RSRC1: variants seen among roughly 807,000 people sequenced by gnomAD.
The protein encoded by RSRC1 is arginine and serine rich coiled-coil 1.
RSRC1 carries 39 observed loss-of-function variants against 49.1 expected under a neutral mutation model. The ratio of observed to expected loss-of-function variants is 0.79; its 90% CI spans 0.61 to 1.04. The LOEUF (loss-of-function observed/expected upper bound fraction) is 1.04, where lower values mean the gene tolerates loss of function less well. Ranked by LOEUF, RSRC1 falls within the 50% of genes least tolerant of loss-of-function variation. The pLI is 0.00. For missense variants in RSRC1, 388 were observed against 402.4 expected (o/e 0.96, Z 0.31); for synonymous variants, 143 against 130.8 (o/e 1.09, Z -0.63).
intron 7 of RSRC1, among the ~76,000 whole-genome samples, chr3:158,522,272 A>C (rs1711719783): frequency 6.6e-6 from 1 of 152,152 alleles, no homozygotes; most frequent in Non-Finnish European, 1.5e-5. Flanking sequence ...GGCCAACTGT[A>C]TTTCAACATA....
chr3:158,197,020 C>T (rs1050070117), intron 3 of RSRC1, among the ~76,000 whole-genome samples: 2 of 152,094 alleles, frequency 1.3e-5, no homozygotes, highest in Non-Finnish European at 1.5e-5. Flanking sequence ...CCTCATAAAA[C>T]GAGTTAGGGA....
Position 158,221,007 on chromosome 3 carries a change from C to G in RSRC1, c.494+17762C>G, listed in dbSNP as rs551606212. Among the ~76,000 whole-genome samples the G allele has an allele frequency of 8.6e-5, 13 of 151,558 alleles. No homozygotes were observed. The South Asian group carries it at 1.0e-3, about 12-fold the overall frequency. On this transcript the variant is annotated intron_variant, in intron 4 of 9. Transcript: ENST00000611884. The stretch of plus-strand genomic sequence containing the variant: ...TTAAAAGCCATATTTCACAGGTAGG[C>G]AACCCAGTATTGGTGAAAAGTATTG...
Position 158,520,474 on chromosome 3 carries a change from G to A in RSRC1, c.653-16618G>A, listed in dbSNP as rs544464599. On this transcript the variant is annotated intron_variant, in intron 7 of 9. Coordinates refer to ENST00000611884, the MANE Select transcript of RSRC1 (RefSeq NM_001271838.2). ...ATGTGTTTACTATAGAAGACTTTGAGAAATGGGCAGCAAAGAGACACTGAA... is the reference window on the plus strand; with the variant it reads ...ATGTGTTTACTATAGAAGACTTTGAAAAATGGGCAGCAAAGAGACACTGAA... Among the ~76,000 whole-genome samples the A allele has an allele frequency of 5.3e-5, 8 of 152,270 alleles. No homozygotes were observed. The South Asian group carries it at 1.7e-3, about 32-fold the overall frequency.
chr3:158,395,363 G>A (rs1025929985), intron 6 of RSRC1, among the ~76,000 whole-genome samples: 2 of 152,046 alleles, frequency 1.3e-5, no homozygotes, highest in Non-Finnish European at 1.5e-5. Context: ...CTTCTGCATA[G>A]CAAAAGAAAC....
chr3:158,142,405 T>A (rs1578128156), intron 3 of RSRC1, among the ~76,000 whole-genome samples: 1 of 152,170 alleles, frequency 6.6e-6, no homozygotes, highest in Non-Finnish European at 1.5e-5. Flanking sequence ...TGGAGTACTT[T>A]TGGAGTAGTT....
intron 6 of RSRC1, among the ~76,000 whole-genome samples, chr3:158,387,823 A>G (rs1157953038): frequency 5.3e-5 from 8 of 152,190 alleles, no homozygotes; most frequent in African/African-American, 1.9e-4. Context: ...AGTTTGATGC[A>G]TAGAATGTTT....
At chr3:158,475,365 C>T (rs1374847569) in intron 7 of RSRC1, among the ~76,000 whole-genome samples, 1 of 152,110 alleles carries the variant, frequency 6.6e-6, no homozygotes, top group Non-Finnish European at 1.5e-5. Flanking sequence ...AATGAATAAA[C>T]AAACAAGTAA....
At chr3:158,135,138 A>G (rs1365100407) in intron 3 of RSRC1, among the ~76,000 whole-genome samples, 1 of 152,234 alleles carries the variant, frequency 6.6e-6, no homozygotes, top group Non-Finnish European at 1.5e-5. Context: ...ATACCGTACC[A>G]GCTAATAACA....
At chr3:158,261,662 T>A (rs1159296822) in intron 4 of RSRC1, among the ~76,000 whole-genome samples, 1 of 152,146 alleles carries the variant, frequency 6.6e-6, no homozygotes, top group Non-Finnish European at 1.5e-5. Flanking sequence ...CTGCCTTGTG[T>A]CAGATCAGCA....
chr3:158,214,720 T>G (rs1005427299), intron 4 of RSRC1, among the ~76,000 whole-genome samples: 2 of 151,892 alleles, frequency 1.3e-5, no homozygotes, highest in Non-Finnish European at 2.9e-5. Flanking sequence ...TGATTTCAAG[T>G]GTTTGGAGAT....
chr3:158,179,232 G>A (rs143160498), intron 3 of RSRC1, among the ~76,000 whole-genome samples: 2 of 152,156 alleles, frequency 1.3e-5, no homozygotes, highest in Non-Finnish European at 2.9e-5. Flanking sequence ...GAAATAATAC[G>A]GAGAGATCCT....
chr3:158,122,161 A>G lies in RSRC1; in HGVS notation c.57A>G (p.Lys19=). 1.9e-6 allele frequency: 3 copies of G among 1,573,210 alleles called. No homozygotes were observed. The highest frequency in any genetic ancestry group is 2.6e-6 in the Non-Finnish European group (3 of 1,160,604). ...AAAGCAGAAGCAAGAGAAAAAAGAA[A>G]CACCGTAGACGGTCCTCCTCGAGCA... The part of the protein sequence containing the change: ...EEESRSKRKK[K]HRRRSSSSSS... Residue 19 remains lysine (K), a synonymous_variant, in exon 2 of 10, where the codon AAA becomes AAG. Transcript: ENST00000611884.
chr3:158,118,462 T>TGTGTGTGTGCGC (rs1491469875), intron 1 of RSRC1, among the ~76,000 whole-genome samples: 1,257 of 124,628 alleles, frequency 0.01, 34 homozygotes, highest in Non-Finnish European at 0.011. Flanking sequence ...TGTGTGTGTG[T>TGTGTGTGTGCGC]GCGCGTGCGC....
At chr3:158,529,117 C>G (rs1213935691) in intron 7 of RSRC1, among the ~76,000 whole-genome samples, 1 of 150,260 alleles carries the variant, frequency 6.7e-6, no homozygotes, top group Non-Finnish European at 1.5e-5. Flanking sequence ...GTGAAAGATT[C>G]TGAAAATGCA....
chr3:158,175,656 G>A (rs780862293), intron 3 of RSRC1, among the ~76,000 whole-genome samples: 21 of 152,000 alleles, frequency 1.4e-4, no homozygotes, highest in Admixed American at 3.9e-4. Context: ...CCAATTCCAC[G>A]TTGCCCTACT....
At chr3:158,292,837 G>T (rs1291355384) in intron 4 of RSRC1, among the ~76,000 whole-genome samples, 1 of 152,150 alleles carries the variant, frequency 6.6e-6, no homozygotes, top group Non-Finnish European at 1.5e-5. Context: ...AACCTTGTGT[G>T]TTAGGTAAGG....
intron 7 of RSRC1, among the ~76,000 whole-genome samples, chr3:158,492,307 A>G (rs1739118482): frequency 6.6e-6 from 1 of 152,230 alleles, no homozygotes; most frequent in Admixed American, 6.5e-5. Flanking sequence ...GCCAAACCAT[A>G]TCACTCTAAG....
chr3:158,487,566 C>G (rs181757667), intron 7 of RSRC1, among the ~76,000 whole-genome samples: 2 of 152,202 alleles, frequency 1.3e-5, no homozygotes, highest in Non-Finnish European at 2.9e-5. Context: ...ATCAGGAAAA[C>G]ATTTAAAGAT....
chr3:158,278,099 C>T (rs1426129433), intron 4 of RSRC1, among the ~76,000 whole-genome samples: 1 of 152,190 alleles, frequency 6.6e-6, no homozygotes, highest in Non-Finnish European at 1.5e-5. Flanking sequence ...AGCCATCAAA[C>T]TGCTGCCATG....
Sources: allele counts gnomAD v4.1 joint callset (sites outside exome capture counted in the v4.1 genomes callset), GRCh38; gene constraint gnomAD v4.1.1; transcripts MANE v1.5; gene names NCBI Gene and HGNC (gene_info 2026-07-23, HGNC 2026-07-21).